NCOR2: variants seen among roughly 807,000 people sequenced by gnomAD.
NCOR2 encodes the protein CTG repeat protein 26.
NCOR2 carries 81 observed loss-of-function variants against 262.9 expected under a neutral mutation model. That is an observed-to-expected ratio of 0.31 (90% CI 0.26 to 0.37). NCOR2 has a LOEUF of 0.37. Ranked by LOEUF, NCOR2 falls within the 10% of genes least tolerant of loss-of-function variation. The pLI is 1.00. For synonymous variants in NCOR2, 1,659 were observed against 1,559.3 expected, an observed-to-expected ratio of 1.06 and a Z score of -1.51; for missense variants, 3,385 against 3,621.4, an observed-to-expected ratio of 0.93 and a Z score of 1.68.
rs1265693646 is a variant in NCOR2, at chr12:124,362,115, T to G, written c.3100+11A>C. On this transcript the variant is annotated intron_variant, in intron 22 of 46. Coordinates refer to ENST00000405201, the Ensembl canonical transcript of NCOR2. ...TGCCCCAGCCCCACTCAGCCACTGGTGTGCACTCACCCTCCTTGTCGGCGG... is the reference window on the plus strand; with the variant it reads ...TGCCCCAGCCCCACTCAGCCACTGGGGTGCACTCACCCTCCTTGTCGGCGG... 4 of 1,294,210 alleles carry G rather than the reference T, an allele frequency of 3.1e-6. No homozygotes were observed. In the Admixed American group the frequency reaches 9.1e-5, roughly 29 times the overall value. The allele number at this position is 1,294,210 out of a possible 1,614,324, so 80.2% of individuals were successfully genotyped here.
At chr12:124,357,365 G>A (rs2038032779) in intron 22 of NCOR2, among the ~76,000 whole-genome samples, 2 of 152,158 alleles carry the variant, frequency 1.3e-5, no homozygotes, top group South Asian at 2.1e-4. Context: ...GTTGCCCCAG[G>A]CTTGTCTTGA....
At chr12:124,336,485 T>C (rs887130753) in intron 38 of NCOR2, 1 of 640,018 alleles carries the variant, frequency 1.6e-6, no homozygotes, top group Non-Finnish European at 2.2e-6. Context: ...GCGGCCGGAG[T>C]AGTCGTCAGC....
chr12:124,389,266 G>A lies in NCOR2; in HGVS notation c.1877-3379C>T, dbSNP rs2041085765. Among the ~76,000 whole-genome samples, 1 of 152,194 alleles carries A rather than the reference G, an allele frequency of 6.6e-6. No homozygotes were observed. The highest frequency in any genetic ancestry group is 2.1e-4 in the South Asian group (1 of 4,834). On this transcript the variant is annotated intron_variant, in intron 16 of 46. Transcript: ENST00000405201. This position sits in a 1 kb window ranked among gnomAD's most constrained non-coding sequence, Gnocchi z 4.4. Reference sequence around the variant, plus strand: ...GCCCAGCAGGGCAGCCGTGTCCCCCGCAGCCGGGCTCAGCTCTGATCTTCT... The same window carrying A: ...GCCCAGCAGGGCAGCCGTGTCCCCCACAGCCGGGCTCAGCTCTGATCTTCT...
intron 7 of NCOR2, among the ~76,000 whole-genome samples, chr12:124,444,742 G>C (rs971832620): frequency 6.6e-6 from 1 of 152,040 alleles, no homozygotes; most frequent in African/African-American, 2.4e-5. Flanking sequence ...CTGCGGGTTG[G>C]GGTGATGGTC....
intron 27 of NCOR2, 115 bp from the exon 30 acceptor site, chr12:124,350,852 C>CCA: frequency 9.4e-6 from 10 of 1,068,922 alleles, no homozygotes; most frequent in South Asian, 1.6e-5. Context: ...ACACGCGTGT[C>CCA]CACACACACA....
chr12:124,358,814 C>T (rs1009743681), intron 22 of NCOR2, among the ~76,000 whole-genome samples: 10 of 152,182 alleles, frequency 6.6e-5, no homozygotes, highest in South Asian at 2.1e-4. Flanking sequence ...CAGGGCTCCA[C>T]GGCTGACAGC....
At chr12:124,355,399 T>C (rs870052) in intron 24 of NCOR2, 33 bp downstream of exon 26, 501,675 of 1,607,814 alleles carry the variant, frequency 0.31, 83,266 homozygotes, top group East Asian at 0.57. Context: ...ATAAGAAGAC[T>C]AAGCCCCCAA....
At chr12:124,407,973 C>T (rs1260690522) in intron 13 of NCOR2, among the ~76,000 whole-genome samples, 2 of 152,234 alleles carry the variant, frequency 1.3e-5, no homozygotes, top group East Asian at 3.8e-4. Flanking sequence ...GCTCTCTGTC[C>T]CTCGGATTCA....
At chr12:124,446,876 G>T (rs1303189265) in intron 7 of NCOR2, among the ~76,000 whole-genome samples, 1 of 152,142 alleles carries the variant, frequency 6.6e-6, no homozygotes, top group Non-Finnish European at 1.5e-5. Flanking sequence ...TACAGTGTAG[G>T]AAATCTTAAT....
rs2050788875 is a variant in NCOR2 at position 124,531,720 on chromosome 12, C to T, written c.-118+3845G>A. Reference sequence around the variant, plus strand: ...CCAACTGGGGTTAAAGCCGGTCCTCCCAGAGCCCCCGAGAGGTGAGATCCC... The same window carrying T: ...CCAACTGGGGTTAAAGCCGGTCCTCTCAGAGCCCCCGAGAGGTGAGATCCC... On this transcript the variant is annotated intron_variant, in intron 1 of 46. Transcript: ENST00000404621. This position sits in a 1 kb window ranked among gnomAD's most constrained non-coding sequence, Gnocchi z 4.5. 6.6e-6 allele frequency among the ~76,000 whole-genome samples: 1 copy of T among 152,008 alleles called. No individual in the cohort carries two copies. The highest frequency in any genetic ancestry group is 2.4e-5 in the African/African-American group (1 of 41,364).
intron 1 of NCOR2, among the ~76,000 whole-genome samples, chr12:124,519,850 C>A (rs1336613387): frequency 6.6e-6 from 1 of 151,462 alleles, no homozygotes; most frequent in Non-Finnish European, 1.5e-5. Context: ...CCGCCACACA[C>A]AGACAGAGCA....
chr12:124,387,561 G>A (rs2040908959), intron 16 of NCOR2, among the ~76,000 whole-genome samples: 1 of 152,186 alleles, frequency 6.6e-6, no homozygotes, highest in Non-Finnish European at 1.5e-5. Context: ...CGTGGCGTGG[G>A]GGTGGCACTG....
intron 1 of NCOR2, among the ~76,000 whole-genome samples, chr12:124,524,813 C>T (rs953898683): frequency 6.6e-6 from 1 of 152,200 alleles, no homozygotes; most frequent in Non-Finnish European, 1.5e-5. Context: ...AATGCCTGAA[C>T]CTCGTCCTCA....
chr12:124,530,547 C>T (rs1725430624), intron 1 of NCOR2, among the ~76,000 whole-genome samples: 1 of 152,204 alleles, frequency 6.6e-6, no homozygotes, highest in African/African-American at 2.4e-5. Flanking sequence ...ACTATTTCCT[C>T]ACTTCTAAAT....
Position 124,546,549 on chromosome 12 carries a change from G to A in NCOR2, c.-164-10938C>T, listed in dbSNP as rs192908097. Among the ~76,000 whole-genome samples, 48 of 152,140 alleles carry A rather than the reference G, an allele frequency of 3.2e-4. No individual in the cohort carries two copies. In the East Asian group the frequency reaches 5.0e-3, roughly 16 times the overall value. Reference sequence around the variant, plus strand: ...CCTGCCTCAGCCTCCTGAGTATCTGGGATTACAGGCGTCTGCCATCACGCT... The same window carrying A: ...CCTGCCTCAGCCTCCTGAGTATCTGAGATTACAGGCGTCTGCCATCACGCT... On this transcript the variant is annotated intron_variant, in intron 1 of 32. Transcript: ENST00000458234.
chr12:124,498,497 C>T (rs949410427), upstream of NCOR2, among the ~76,000 whole-genome samples: 10 of 152,174 alleles, frequency 6.6e-5, no homozygotes, highest in Admixed American at 3.3e-4. Context: ...CCAGTAACCT[C>T]GTGCCACCCT....
At position 124,339,723 on chromosome 12, in the gene NCOR2, T is replaced by C. The variant is rs867041300; in HGVS notation, c.5687+283A>G. On this transcript the variant is annotated intron_variant, in intron 37 of 46. Transcript: ENST00000405201. ...CCCATCCAACCAGCTAACCCAGCCATCTATCTTTCCACTGACCCACCCACC... is the reference window on the plus strand; with the variant it reads ...CCCATCCAACCAGCTAACCCAGCCACCTATCTTTCCACTGACCCACCCACC... Among the ~76,000 whole-genome samples the C allele has an allele frequency of 5.3e-4, 43 of 80,454 alleles. 4 individuals carry two copies. The highest frequency in any genetic ancestry group is 2.2e-3 in the Admixed American group (16 of 7,434). 52.8% of individuals were successfully genotyped at this position (80,454 alleles called of 152,430 possible). A position where few individuals can be genotyped will look rare whatever the true frequency, so the allele number is the denominator to read the frequency against.
chr12:124,330,965 G>A (rs954723014), intron 43 of NCOR2, 67 bp from the exon 46 acceptor site: 11 of 1,496,170 alleles, frequency 7.4e-6, no homozygotes, highest in Admixed American at 2.0e-5. Context: ...TACCAGTCCC[G>A]TGTGGTCCAG....
chr12:124,432,618 C>A lies in NCOR2; in HGVS notation c.883-1831G>T, dbSNP rs755035313. ...CCCGTCAGCCCTGGGGAGGGGCAGCCGCCAGAGAAAACCACATTCCAAGCA... is the reference window on the plus strand; with the variant it reads ...CCCGTCAGCCCTGGGGAGGGGCAGCAGCCAGAGAAAACCACATTCCAAGCA... On this transcript the variant is annotated intron_variant, in intron 8 of 46. Transcript: ENST00000405201. The surrounding 1 kb of genome is among the most constrained non-coding windows in gnomAD (Gnocchi z 5.1). Among the ~76,000 whole-genome samples, 3 of 152,152 alleles carry A rather than the reference C, an allele frequency of 2.0e-5. No homozygotes were observed. The highest frequency in any genetic ancestry group is 7.2e-5 in the African/African-American group (3 of 41,426).
Sources: allele counts gnomAD v4.1 joint callset (sites outside exome capture counted in the v4.1 genomes callset), GRCh38; gene constraint gnomAD v4.1.1; non-coding constraint Gnocchi (gnomAD v3.1); transcripts MANE v1.5; gene names NCBI Gene and HGNC (gene_info 2026-07-23, HGNC 2026-07-21).